Variants in SORCS3 observed in about 807,000 individuals in gnomAD.
The protein encoded by SORCS3 is sortilin related VPS10 domain containing receptor 3, also known as VPS10 domain-containing receptor SorCS3.
In SORCS3, 57 loss-of-function variants were observed where a neutral mutation model predicts 146.3. The ratio of observed to expected loss-of-function variants is 0.39; its 90% CI spans 0.31 to 0.49. The LOEUF (loss-of-function observed/expected upper bound fraction) is 0.49. Among genes scored for constraint, SORCS3 ranks in the 20% least tolerant of loss-of-function variants. The probability of loss-of-function intolerance (pLI) is 0.92; values close to 1 mark genes in which losing one functional copy is unlikely to be tolerated. For synonymous variants in SORCS3, 653 were observed against 618.5 expected, an observed-to-expected ratio of 1.06 and a Z score of -0.83; for missense variants, 1,341 against 1,575.5, an observed-to-expected ratio of 0.85 and a Z score of 2.52.
At chr10:104,932,994 G>A (rs572434767) in intron 3 of SORCS3, among the ~76,000 whole-genome samples, 1 of 152,170 alleles carries the variant, frequency 6.6e-6, no homozygotes, top group Non-Finnish European at 1.5e-5. Context: ...GCCTCAAAAA[G>A]TGATAGGATT....
chr10:105,162,374 T>G (rs1045584328), intron 11 of SORCS3, among the ~76,000 whole-genome samples: 1 of 152,126 alleles, frequency 6.6e-6, no homozygotes. Context: ...CATCCCCTTC[T>G]TCCAACATGG....
intron 1 of SORCS3, among the ~76,000 whole-genome samples, chr10:104,794,614 A>AGAGGGAGG (rs796889114): frequency 1.1e-5 from 1 of 88,612 alleles, no homozygotes; most frequent in Non-Finnish European, 2.2e-5. Context: ...TGAGAGAGAG[A>AGAGGGAGG]GAGGGAGGGA....
chr10:104,898,508 AC>A (rs2133588302), intron 2 of SORCS3, among the ~76,000 whole-genome samples: 1 of 152,266 alleles, frequency 6.6e-6, no homozygotes, highest in South Asian at 2.1e-4. Context: ...TAATTTCAAA[AC>A]CCTGGAACCT....
intron 1 of SORCS3, among the ~76,000 whole-genome samples, chr10:104,743,814 G>A (rs887071405): frequency 8.5e-5 from 13 of 152,096 alleles, no homozygotes; most frequent in Admixed American, 6.6e-4. Flanking sequence ...GTGGATATGA[G>A]GACTTGGAAG....
chr10:105,050,238 C>G (rs1419931044), intron 5 of SORCS3, among the ~76,000 whole-genome samples: 1 of 152,060 alleles, frequency 6.6e-6, no homozygotes, highest in Non-Finnish European at 1.5e-5. Flanking sequence ...TCCTGCCAGT[C>G]TATGGTGTTC....
chr10:105,167,706 C>G (rs1440702984), intron 13 of SORCS3, among the ~76,000 whole-genome samples: 1 of 152,056 alleles, frequency 6.6e-6, no homozygotes, highest in Non-Finnish European at 1.5e-5. Flanking sequence ...GAGTTCAGTT[C>G]TAGAGAAGTT....
At chr10:104,757,404 G>A (rs1375831238) in intron 1 of SORCS3, among the ~76,000 whole-genome samples, 1 of 152,172 alleles carries the variant, frequency 6.6e-6, no homozygotes, top group Admixed American at 6.5e-5. Context: ...CATCTCATTT[G>A]CAAAGCTCTC....
chr10:104,932,237 G>A (rs1218806886), intron 3 of SORCS3, among the ~76,000 whole-genome samples: 1 of 152,154 alleles, frequency 6.6e-6, no homozygotes, highest in Non-Finnish European at 1.5e-5. Flanking sequence ...TGGACCCTAA[G>A]CAAATTGTAA....
intron 2 of SORCS3, among the ~76,000 whole-genome samples, chr10:104,890,645 C>T (rs1173792876): frequency 6.6e-6 from 1 of 152,138 alleles, no homozygotes; most frequent in East Asian, 1.9e-4. Context: ...TCCTTATTTA[C>T]TAATTCTGTC....
chr10:104,968,576 G>A (rs2054840715), intron 3 of SORCS3, among the ~76,000 whole-genome samples: 1 of 152,042 alleles, frequency 6.6e-6, no homozygotes, highest in Admixed American at 6.5e-5. Flanking sequence ...CTCATGTCAG[G>A]ACAAACTGCT....
chr10:105,172,441 A>C (rs1274474051), intron 13 of SORCS3, among the ~76,000 whole-genome samples: 2 of 152,176 alleles, frequency 1.3e-5, no homozygotes, highest in Non-Finnish European at 2.9e-5. Context: ...GGAAATCTTT[A>C]TTCTATCTGT....
chr10:105,231,799 A>G (rs1309179966), intron 20 of SORCS3, among the ~76,000 whole-genome samples: 1 of 152,122 alleles, frequency 6.6e-6, no homozygotes, highest in Admixed American at 6.6e-5. Flanking sequence ...TCTGCTGATG[A>G]GATGGATTAC....
chr10:104,667,804 T>G (rs2015800139), intron 1 of SORCS3, among the ~76,000 whole-genome samples: 1 of 152,232 alleles, frequency 6.6e-6, no homozygotes, highest in African/African-American at 2.4e-5. Context: ...TTAATACAAC[T>G]GGTCCAAGTC....
At chr10:104,765,163 T>G (rs575366933) in intron 1 of SORCS3, among the ~76,000 whole-genome samples, 1 of 152,186 alleles carries the variant, frequency 6.6e-6, no homozygotes, top group Non-Finnish European at 1.5e-5. Context: ...TGGAACCTAG[T>G]CTTTTCTCTC....
At chr10:105,011,742 C>G (rs2055137309) in intron 4 of SORCS3, among the ~76,000 whole-genome samples, 1 of 152,154 alleles carries the variant, frequency 6.6e-6, no homozygotes, top group Non-Finnish European at 1.5e-5. Flanking sequence ...TTCCAACCGT[C>G]CTTTCACGTT....
At chr10:105,258,902 C>T (rs1357065586) in intron 25 of SORCS3, among the ~76,000 whole-genome samples, 1 of 152,148 alleles carries the variant, frequency 6.6e-6, no homozygotes, top group African/African-American at 2.4e-5. Context: ...ATCAGTTAAC[C>T]TTTACTTTTC....
chr10:104,789,994 C>G (rs746306980), intron 1 of SORCS3, among the ~76,000 whole-genome samples: 26 of 152,172 alleles, frequency 1.7e-4, no homozygotes, highest in Admixed American at 1.3e-4. Context: ...GTGCCAATGC[C>G]TCCATAACTC....
chr10:104,833,643 G>A (rs1050199732), intron 1 of SORCS3, among the ~76,000 whole-genome samples: 7 of 152,076 alleles, frequency 4.6e-5, no homozygotes, highest in African/African-American at 1.2e-4. Context: ...TTTCTGCCTC[G>A]TTTCACTGAT....
intron 1 of SORCS3, among the ~76,000 whole-genome samples, chr10:104,724,007 A>G (rs1409892309): frequency 6.6e-6 from 1 of 152,106 alleles, no homozygotes; most frequent in African/African-American, 2.4e-5. Context: ...TGTGAATTTG[A>G]TCCTGTCATT....
Sources: allele counts gnomAD v4.1 joint callset (sites outside exome capture counted in the v4.1 genomes callset), GRCh38; gene constraint gnomAD v4.1.1; transcripts MANE v1.5; gene names NCBI Gene and HGNC (gene_info 2026-07-23, HGNC 2026-07-21).